FOCAD: variants seen among roughly 807,000 people sequenced by gnomAD.
FOCAD encodes the protein KIAA1797.
FOCAD carries 198 observed loss-of-function variants against 225.6 expected under a neutral mutation model. The observed-to-expected ratio is 0.88, with a 90% CI of 0.78 to 0.99. The LOEUF is 0.99. FOCAD is among the 50% of genes least tolerant of loss of function. FOCAD has a pLI of 0.00. For synonymous variants in FOCAD, 897 were observed against 755.0 expected (o/e 1.19, Z -3.08); for missense variants, 2,713 against 2,123.6 (o/e 1.28, Z -5.46).
intron 15 of FOCAD, among the ~76,000 whole-genome samples, chr9:20,823,758 A>C (rs1020703206): frequency 6.6e-6 from 1 of 152,140 alleles, no homozygotes; most frequent in Admixed American, 6.6e-5. Context: ...TTAGTGAATG[A>C]GACTAAGTAG....
At chr9:20,910,285 G>T (rs1833330766) in intron 22 of FOCAD, among the ~76,000 whole-genome samples, 1 of 151,188 alleles carries the variant, frequency 6.6e-6, no homozygotes, top group Non-Finnish European at 1.5e-5. Context: ...GGAGGTTAAG[G>T]TCTCCAGCCT....
chr9:20,733,407 C>T (rs1266639522), intron 4 of FOCAD, among the ~76,000 whole-genome samples: 1 of 151,814 alleles, frequency 6.6e-6, no homozygotes, highest in East Asian at 1.9e-4. Flanking sequence ...GCACAATGTG[C>T]AGGTTAGTTA....
At chr9:20,803,759 C>G (rs1197909736) in intron 11 of FOCAD, among the ~76,000 whole-genome samples, 1 of 152,080 alleles carries the variant, frequency 6.6e-6, no homozygotes, top group Non-Finnish European at 1.5e-5. Flanking sequence ...GTAGGTTAAT[C>G]CCCTTGGGAC....
At chr9:20,844,773 A>G (rs1826911960) in intron 15 of FOCAD, among the ~76,000 whole-genome samples, 1 of 152,150 alleles carries the variant, frequency 6.6e-6, no homozygotes, top group South Asian at 2.1e-4. Context: ...TGAGAATATC[A>G]GTAAAATTAG....
At chr9:20,884,607 T>G (rs939388599) in intron 20 of FOCAD, among the ~76,000 whole-genome samples, 1 of 152,026 alleles carries the variant, frequency 6.6e-6, no homozygotes, top group African/African-American at 2.4e-5. Flanking sequence ...CAATAGTATT[T>G]TAAATATTAG....
intron 12 of FOCAD, 22 bp downstream of exon 12, chr9:20,819,922 G>C: frequency 1.4e-6 from 2 of 1,398,584 alleles, no homozygotes; most frequent in Non-Finnish European, 2.0e-6. Context: ...AATTAATTTA[G>C]TTGGCGAAAA....
At chr9:20,928,035 T>A (rs1835123267) in intron 26 of FOCAD, 3 of 152,190 alleles carry the variant, frequency 2.0e-5, no homozygotes, top group African/African-American at 7.2e-5. Flanking sequence ...CTATGATGAT[T>A]TACTTTCTGT....
chr9:20,896,678 A>G (rs1180335979), intron 21 of FOCAD, among the ~76,000 whole-genome samples: 3 of 151,822 alleles, frequency 2.0e-5, no homozygotes, highest in African/African-American at 4.8e-5. Flanking sequence ...TTTCCTTATT[A>G]TCCTTTCAGT....
intron 15 of FOCAD, among the ~76,000 whole-genome samples, chr9:20,860,579 C>T (rs144487919): frequency 6.6e-6 from 1 of 152,092 alleles, no homozygotes; most frequent in Non-Finnish European, 1.5e-5. Flanking sequence ...AGCCCAGGCT[C>T]GAGTGCAGAG....
chr9:20,899,706 A>T (rs146135041), intron 21 of FOCAD, among the ~76,000 whole-genome samples: 4 of 152,010 alleles, frequency 2.6e-5, no homozygotes. Context: ...GTAATTTTCA[A>T]TGCTATGGAG....
intron 15 of FOCAD, among the ~76,000 whole-genome samples, chr9:20,833,285 A>G (rs1468181382): frequency 1.3e-5 from 2 of 151,982 alleles, no homozygotes; most frequent in Non-Finnish European, 2.9e-5. Flanking sequence ...TTCAAGAGTT[A>G]CCAATAGCAG....
intron 4 of FOCAD, among the ~76,000 whole-genome samples, chr9:20,737,458 C>T (rs1827241542): frequency 6.6e-6 from 1 of 152,210 alleles, no homozygotes; most frequent in Non-Finnish European, 1.5e-5. Context: ...CAACACTGGT[C>T]ATTTCAACTA....
At chr9:20,925,706 A>G (rs902571815) in intron 25 of FOCAD, among the ~76,000 whole-genome samples, 2 of 152,140 alleles carry the variant, frequency 1.3e-5, no homozygotes, top group Non-Finnish European at 2.9e-5. Context: ...TTTATTTTTA[A>G]TGAGTGGGGT....
chr9:20,970,362 C>T (rs12336701), intron 35 of FOCAD, among the ~76,000 whole-genome samples: 1,744 of 152,110 alleles, frequency 0.011, 42 homozygotes, highest in African/African-American at 0.04. Context: ...TATCCTTAGG[C>T]TCATACTTTT....
In FOCAD at chr9:20,973,947, A is replaced by G. The variant is rs1209716758; in HGVS notation, c.4133-2473A>G. Among the ~76,000 whole-genome samples, 22 of 87,988 alleles carry G rather than the reference A, an allele frequency of 2.5e-4. 2 individuals carry two copies. Among genetic ancestry groups the G allele is most frequent in the African/African-American group, 8.4e-4 (20 of 23,690 alleles). 57.7% of individuals were successfully genotyped at this position (87,988 alleles called of 152,430 possible). On this transcript the variant is annotated intron_variant, in intron 35 of 43. Coordinates refer to ENST00000338382, the MANE Select transcript of FOCAD (RefSeq NM_001375567.1). The stretch of plus-strand genomic sequence containing the variant: ...ATGGCCTCTGCTTCTCCTTTTTCCT[A>G]TGTTTCTCCTTTCTGTAGCTGTTTT...
At chr9:20,899,711 A>G (rs1220988064) in intron 21 of FOCAD, among the ~76,000 whole-genome samples, 6 of 151,950 alleles carry the variant, frequency 3.9e-5, no homozygotes, top group Non-Finnish European at 8.8e-5. Flanking sequence ...TTTCAATGCT[A>G]TGGAGAGCTA....
intron 15 of FOCAD, among the ~76,000 whole-genome samples, chr9:20,843,484 G>A (rs997712757): frequency 6.6e-6 from 1 of 151,952 alleles, no homozygotes; most frequent in Admixed American, 6.6e-5. Context: ...TTATTGGAAC[G>A]ATTTTATATG....
intron 2 of FOCAD, among the ~76,000 whole-genome samples, chr9:20,666,284 A>G (rs1821897726): frequency 6.6e-6 from 1 of 152,128 alleles, no homozygotes; most frequent in South Asian, 2.1e-4. Flanking sequence ...GAATAAAAAA[A>G]TAACTGGCTG....
chr9:20,681,374 G>A (rs749888243), upstream of FOCAD, among the ~76,000 whole-genome samples: 1 of 152,134 alleles, frequency 6.6e-6, no homozygotes, highest in Non-Finnish European at 1.5e-5. Flanking sequence ...GGGATTATAG[G>A]TGTGAGCCAT....
Sources: allele counts gnomAD v4.1 joint callset (sites outside exome capture counted in the v4.1 genomes callset), GRCh38; gene constraint gnomAD v4.1.1; transcripts MANE v1.5; gene names NCBI Gene and HGNC (gene_info 2026-07-23, HGNC 2026-07-21).